The following CAMTA1 variants were observed in gnomAD, a reference collection of about 807,000 sequenced individuals.
CAMTA1 encodes the protein calmodulin binding transcription activator 1.
A neutral mutation model predicts 170.9 loss-of-function variants in CAMTA1; 27 were observed. The ratio of observed to expected loss-of-function variants is 0.16; its 90% CI spans 0.12 to 0.22. The LOEUF (loss-of-function observed/expected upper bound fraction) is 0.22. Among genes scored for constraint, CAMTA1 ranks in the 10% least tolerant of loss-of-function variants. CAMTA1 has a pLI of 1.00. For synonymous variants in CAMTA1, 833 were observed against 891.5 expected (o/e 0.93, Z 1.17); for missense variants, 1,619 against 2,217.2 (o/e 0.73, Z 5.42).
intron 1 of CAMTA1, chr1:6,807,112 G>T (rs1369747035): frequency 3.5e-6 from 2 of 568,172 alleles, no homozygotes; most frequent in African/African-American, 3.7e-5. Flanking sequence ...GTCATAAAGG[G>T]ATTTGACTAA....
At chr1:7,380,132 A>T (rs1440696805) in intron 5 of CAMTA1, among the ~76,000 whole-genome samples, 1 of 152,200 alleles carries the variant, frequency 6.6e-6, no homozygotes, top group Non-Finnish European at 1.5e-5. Context: ...TCCAGACATC[A>T]TATGTTTTAA....
chr1:6,992,975 A>T (rs369096501), intron 3 of CAMTA1, among the ~76,000 whole-genome samples: 20 of 152,178 alleles, frequency 1.3e-4, no homozygotes, highest in Admixed American at 2.0e-4. Flanking sequence ...ACCATTTGTT[A>T]AAAAAAGACT....
intron 5 of CAMTA1, among the ~76,000 whole-genome samples, chr1:7,394,929 C>T (rs2089145715): frequency 6.7e-6 from 1 of 150,336 alleles, no homozygotes; most frequent in Non-Finnish European, 1.5e-5. Flanking sequence ...CTTGACCAGG[C>T]TGCAATGCAG....
intron 6 of CAMTA1, among the ~76,000 whole-genome samples, chr1:7,631,498 C>T (rs911375147): frequency 3.3e-5 from 5 of 152,194 alleles, no homozygotes; most frequent in Non-Finnish European, 2.9e-5. Context: ...ATGTGGAGCC[C>T]GAGACACAGC....
intron 10 of CAMTA1, among the ~76,000 whole-genome samples, chr1:7,677,269 G>T (rs2096130606): frequency 6.6e-6 from 1 of 152,228 alleles, no homozygotes; most frequent in Non-Finnish European, 1.5e-5. Flanking sequence ...CAGCCATGAG[G>T]CAGGGATGGG....
intron 1 of CAMTA1, among the ~76,000 whole-genome samples, chr1:6,792,673 C>T (rs1641456272): frequency 1.3e-5 from 2 of 152,002 alleles, no homozygotes; most frequent in Admixed American, 1.3e-4. Context: ...CCATATTCAA[C>T]CTCAGTGTTT....
chr1:7,287,802 G>A (rs1304646663), intron 5 of CAMTA1, among the ~76,000 whole-genome samples: 1 of 152,138 alleles, frequency 6.6e-6, no homozygotes, highest in African/African-American at 2.4e-5. Context: ...TCTATTGTGT[G>A]GCTCCACCAT....
chr1:6,908,529 G>T (rs1679043842), intron 3 of CAMTA1, among the ~76,000 whole-genome samples: 1 of 152,246 alleles, frequency 6.6e-6, no homozygotes, highest in African/African-American at 2.4e-5. Context: ...ATGGTCTACT[G>T]TCAACTGGAG....
intron 4 of CAMTA1, among the ~76,000 whole-genome samples, chr1:7,130,250 C>G (rs1031993073): frequency 1.3e-5 from 2 of 152,056 alleles, no homozygotes; most frequent in African/African-American, 4.8e-5. Context: ...AATCTACCTT[C>G]TTATAATCAG....
intron 6 of CAMTA1, among the ~76,000 whole-genome samples, chr1:7,596,773 T>C (rs796456230): frequency 3.1e-4 from 47 of 152,352 alleles, no homozygotes; most frequent in African/African-American, 1.1e-3. Flanking sequence ...TTTATTGCCT[T>C]TCCTGGAGCA....
chr1:6,841,354 A>C (rs1046861514), intron 3 of CAMTA1, among the ~76,000 whole-genome samples: 10 of 152,162 alleles, frequency 6.6e-5, no homozygotes, highest in Non-Finnish European at 1.3e-4. Context: ...GGGTGTGTAT[A>C]TCTTTGGGGT....
In CAMTA1 at chr1:7,558,255, C is replaced by T. The variant is rs1010602272; in HGVS notation, c.511-82145C>T. On this transcript the variant is annotated intron_variant, in intron 6 of 22. Coordinates refer to ENST00000303635, the MANE Select transcript of CAMTA1 (RefSeq NM_015215.4). ...TGCTCATGGCGCCAGGGCCCCCGCC[C>T]GCTGCCTCTGCTCCTGTGGGACTGG... Among the ~76,000 whole-genome samples the T allele has an allele frequency of 3.0e-4, 45 of 152,236 alleles. 1 individual carries two copies. Among genetic ancestry groups the T allele is most frequent in the African/African-American group, 1.1e-3 (44 of 41,464 alleles).
intron 21 of CAMTA1, among the ~76,000 whole-genome samples, chr1:7,754,387 G>A (rs1256978213): frequency 6.6e-6 from 1 of 152,186 alleles, no homozygotes; most frequent in Admixed American, 6.5e-5. Flanking sequence ...GAATGAATGT[G>A]TGGGTAACGT....
intron 4 of CAMTA1, among the ~76,000 whole-genome samples, chr1:7,129,860 T>C (rs1210444100): frequency 6.6e-6 from 1 of 152,146 alleles, no homozygotes; most frequent in Non-Finnish European, 1.5e-5. Flanking sequence ...AGTATGCGTT[T>C]TCTAGCATTT....
chr1:7,093,978 G>A lies in CAMTA1; in HGVS notation c.302+2607G>A, dbSNP rs904370831. Among the ~76,000 whole-genome samples, 5 of 152,166 alleles carry A rather than the reference G, an allele frequency of 3.3e-5. No homozygotes were observed. Among genetic ancestry groups the A allele is most frequent in the African/African-American group, 7.2e-5 (3 of 41,432 alleles). ...TTCTGATTCTGCTTCCCATGCCGTC[G>A]GGTCTGTCCATGCACAGGTGTCACT... On this transcript the variant is annotated intron_variant, in intron 4 of 22. Transcript: ENST00000303635. This position sits in a 1 kb window ranked among gnomAD's most constrained non-coding sequence, Gnocchi z 4.6.
chr1:6,979,871 G>A (rs1694131003), intron 3 of CAMTA1, among the ~76,000 whole-genome samples: 1 of 152,056 alleles, frequency 6.6e-6, no homozygotes, highest in African/African-American at 2.4e-5. Flanking sequence ...GACCCCCGGC[G>A]TGTGCAACAC....
chr1:6,960,831 C>G (rs1160864582), intron 3 of CAMTA1, among the ~76,000 whole-genome samples: 1 of 152,194 alleles, frequency 6.6e-6, no homozygotes, highest in African/African-American at 2.4e-5. Context: ...AAGCACAGAG[C>G]TCTTACTTTG....
chr1:7,053,782 C>T (rs575831351), intron 3 of CAMTA1, among the ~76,000 whole-genome samples: 10 of 152,332 alleles, frequency 6.6e-5, no homozygotes, highest in African/African-American at 2.2e-4. Context: ...TTTACTGTGT[C>T]CCCAGCGCCC....
At chr1:7,288,428 A>G (rs1413351482) in intron 5 of CAMTA1, among the ~76,000 whole-genome samples, 1 of 152,264 alleles carries the variant, frequency 6.6e-6, no homozygotes, top group East Asian at 1.9e-4. Context: ...TGCATTGTCC[A>G]TAGCCCAAAG....
Sources: gnomAD v4.1 joint callset for allele counts (sites outside exome capture counted in the v4.1 genomes callset) on GRCh38, gnomAD v4.1.1 for gene constraint, Gnocchi (gnomAD v3.1) non-coding constraint, MANE v1.5 for transcripts, NCBI Gene and HGNC (gene_info 2026-07-23, HGNC 2026-07-21) for gene names.